The following UTRN variants were observed in gnomAD, a reference collection of about 807,000 sequenced individuals.
UTRN encodes dystrophin-related protein 1.
Under a neutral mutation model 463.9 loss-of-function variants are expected in UTRN, and 283 were observed. That is an observed-to-expected ratio of 0.61 (90% CI 0.55 to 0.67). The LOEUF (loss-of-function observed/expected upper bound fraction) is 0.67, where lower values mean the gene tolerates loss of function less well. Among genes scored for constraint, UTRN ranks in the 30% least tolerant of loss-of-function variants. The pLI is 0.00. For synonymous variants in UTRN, 1,442 were observed against 1,431.5 expected, an observed-to-expected ratio of 1.01 and a Z score of -0.17; for missense variants, 3,922 against 4,084.3, an observed-to-expected ratio of 0.96 and a Z score of 1.08.
intron 52 of UTRN, among the ~76,000 whole-genome samples, chr6:144,682,723 T>G (rs1301433046): frequency 6.6e-6 from 1 of 152,202 alleles, no homozygotes; most frequent in Non-Finnish European, 1.5e-5. Context: ...TGATCTCTTC[T>G]TTATTTTTAT....
chr6:144,524,954 G>A (rs1796436629), intron 41 of UTRN, among the ~76,000 whole-genome samples: 1 of 152,148 alleles, frequency 6.6e-6, no homozygotes, highest in South Asian at 2.1e-4. Context: ...AGGTGATCAT[G>A]TGATTTTTGT....
intron 2 of UTRN, among the ~76,000 whole-genome samples, chr6:144,367,263 G>A (rs993827047): frequency 3.3e-5 from 5 of 151,680 alleles, no homozygotes; most frequent in Non-Finnish European, 7.4e-5. Flanking sequence ...GGGATTACAG[G>A]TGTGAGCCAC....
At chr6:144,353,643 C>T (rs1275939836) in intron 2 of UTRN, among the ~76,000 whole-genome samples, 2 of 152,008 alleles carry the variant, frequency 1.3e-5, no homozygotes, top group Non-Finnish European at 2.9e-5. Flanking sequence ...AATAAGAAAA[C>T]AGTAACCAGC....
intron 34 of UTRN, 48 bp from the exon 35 acceptor site, chr6:144,510,896 T>G (rs756012043): frequency 1.4e-6 from 2 of 1,423,686 alleles, no homozygotes; most frequent in Non-Finnish European, 1.9e-6. Context: ...TATATACTTT[T>G]ATAATATTCT....
chr6:144,531,191 A>G lies in UTRN; in HGVS notation c.6046A>G (p.Ile2016Val). 6.2e-7 allele frequency: 1 copy of G among 1,613,828 alleles called. No individual in the cohort carries two copies. Among genetic ancestry groups the G allele is most frequent in the Non-Finnish European group, 8.5e-7 (1 of 1,179,816 alleles). Residue 2016 changes from isoleucine (I) to valine (V), a missense_variant, in exon 42 of 75, where the codon ATA becomes GTA. Around this residue, in one of 3 missense-constraint regions of UTRN, gnomAD observed 2,349 missense variants for 2,303.8 expected, o/e 1.02. Coordinates refer to ENST00000367545, the MANE Select transcript of UTRN (RefSeq NM_007124.3). ...CAGCCTGGACTTAGAGAAAGCCAGG[A>G]TACATCAGCAGGTGAGTGCTTTCTG... ...GGSLDLEKARIHQQELEVGIS... is the reference protein window; with the variant it reads ...GGSLDLEKARVHQQELEVGIS...
chr6:144,567,046 C>T (rs1800470736), intron 50 of UTRN, among the ~76,000 whole-genome samples: 1 of 152,076 alleles, frequency 6.6e-6, no homozygotes, highest in Admixed American at 6.6e-5. Flanking sequence ...ACTAGGGAGG[C>T]TGAGGTGGTA....
intron 56 of UTRN, among the ~76,000 whole-genome samples, chr6:144,754,109 T>A (rs1791714184): frequency 7.1e-6 from 1 of 141,612 alleles, no homozygotes; most frequent in South Asian, 2.3e-4. Flanking sequence ...TTTCTCTCTC[T>A]CACTCCCCAT....
chr6:144,814,098 C>T (rs1778868221), intron 65 of UTRN, among the ~76,000 whole-genome samples: 1 of 152,132 alleles, frequency 6.6e-6, no homozygotes, highest in Non-Finnish European at 1.5e-5. Context: ...TTATGTCCCC[C>T]AAAAATTCAT....
At position 144,543,270 on chromosome 6, in the gene UTRN, G is replaced by A. The variant is rs548668483; in HGVS notation, c.6595+400G>A. Among the ~76,000 whole-genome samples the A allele has an allele frequency of 5.3e-5, 8 of 152,334 alleles. No homozygotes were observed. The South Asian group carries it at 1.0e-3, about 20-fold the overall frequency. On this transcript the variant is annotated intron_variant, in intron 46 of 74. Coordinates refer to ENST00000367545, the MANE Select transcript of UTRN (RefSeq NM_007124.3). ...ACATATGTAATTAGACCCTGATCAT[G>A]ACTGAGAACAAAAGGCTTAGATATC... is the stretch of plus-strand genomic sequence containing the variant.
At chr6:144,619,986 A>G (rs1192014163) in intron 51 of UTRN, among the ~76,000 whole-genome samples, 1 of 152,176 alleles carries the variant, frequency 6.6e-6, no homozygotes, top group Non-Finnish European at 1.5e-5. Context: ...AAGTGTGGAT[A>G]TTTCTGGAGC....
chr6:144,365,860 C>T (rs567385357), intron 2 of UTRN, among the ~76,000 whole-genome samples: 34 of 152,320 alleles, frequency 2.2e-4, no homozygotes, highest in African/African-American at 6.7e-4. Context: ...GCTTCGGCCT[C>T]CTGCATAGCT....
chr6:144,442,957 A>G (rs779594989), intron 13 of UTRN, among the ~76,000 whole-genome samples: 7 of 152,196 alleles, frequency 4.6e-5, no homozygotes, highest in Non-Finnish European at 1.0e-4. Flanking sequence ...GCAATGTAAG[A>G]AAAATCATGT....
intron 14 of UTRN, among the ~76,000 whole-genome samples, chr6:144,445,128 A>G (rs1468528889): frequency 6.6e-6 from 1 of 152,162 alleles, no homozygotes; most frequent in Non-Finnish European, 1.5e-5. Context: ...AGGCAGGTGG[A>G]TCACTTGAAG....
At position 144,748,425 on chromosome 6, in the gene UTRN, A is replaced by G. The variant is rs138126778; in HGVS notation, c.8119A>G (p.Met2707Val). 4.0e-5 allele frequency: 65 copies of G among 1,613,998 alleles called. No homozygotes were observed. The African/African-American group carries it at 6.4e-4, about 16-fold the overall frequency. The change falls in exon 55 of 75, where the codon ATG becomes GTG. Residue 2707 changes from methionine to valine, a missense_variant. Met to Val is a conservative substitution (Grantham distance 21). Transcript: ENST00000367545. Reference protein sequence around the residue: ...QGAMDDLDADMKEAESVRNGW... With the variant: ...QGAMDDLDADVKEAESVRNGW... ...AGCTATGGATGACCTGGACGCTGAC[A>G]TGAAGGAGGCAGAGTCCGTGCGGAA... is the stretch of plus-strand genomic sequence containing the variant.
intron 69 of UTRN, among the ~76,000 whole-genome samples, chr6:144,831,455 A>T (rs1780665347): frequency 6.6e-6 from 1 of 152,144 alleles, no homozygotes; most frequent in African/African-American, 2.4e-5. Context: ...AAGGTGCTAG[A>T]TGATGCAAGG....
chr6:144,435,839 G>A (rs1316125195), intron 9 of UTRN, 96 bp from the exon 10 acceptor site: 2 of 1,332,586 alleles, frequency 1.5e-6, no homozygotes, highest in Non-Finnish European at 2.1e-6. Flanking sequence ...CTAAGACAGA[G>A]TGGTGGGTAC....
chr6:144,301,536 C>CTTTTTT (rs200484231), intron 2 of UTRN, among the ~76,000 whole-genome samples: 24 of 92,758 alleles, frequency 2.6e-4, no homozygotes, highest in Admixed American at 6.3e-4. Flanking sequence ...TTCTTTCTTT[C>CTTTTTT]TTTTTTTTTT....
rs777815391 is a variant in UTRN at position 144,523,191 on chromosome 6, A to G, written c.5906+3A>G. 9.8e-6 allele frequency: 15 copies of G among 1,526,066 alleles called. No individual in the cohort carries two copies. In the African/African-American group the frequency reaches 1.4e-4, roughly 14 times the overall value. 94.5% of individuals were successfully genotyped at this position (1,526,066 alleles called of 1,614,324 possible). ...AGAATGTACAGTGATCGGAAAGGGTATGTGTAAATGAAATTAATATTTAAT... is the reference window on the plus strand; with the variant it reads ...AGAATGTACAGTGATCGGAAAGGGTGTGTGTAAATGAAATTAATATTTAAT... On this transcript the variant is annotated splice_donor_region_variant and intron_variant, in intron 41 of 74. Transcript: ENST00000367545.
chr6:144,458,801 T>C lies in UTRN; in HGVS notation c.2316T>C (p.Val772=), dbSNP rs1400488926. 1.9e-6 allele frequency: 3 copies of C among 1,603,964 alleles called. No individual in the cohort carries two copies. Among genetic ancestry groups the C allele is most frequent in the Admixed American group, 1.7e-5 (1 of 57,204 alleles). The part of the protein sequence containing the change: ...EGLPTEEIKN[V]LEKVSSEWKN... ...TTCCTACTGAAGAAATAAAAAATGTTCTGGAGAAGGTTTCATCAGAATGGA... is the reference window on the plus strand; with the variant it reads ...TTCCTACTGAAGAAATAAAAAATGTCCTGGAGAAGGTTTCATCAGAATGGA... Residue 772 remains valine, a synonymous_variant, in exon 20 of 75, where the codon GTT becomes GTC. Coordinates refer to ENST00000367545, the MANE Select transcript of UTRN (RefSeq NM_007124.3).
Sources: gnomAD v4.1 joint callset for allele counts (sites outside exome capture counted in the v4.1 genomes callset) on GRCh38, gnomAD v4.1.1 for gene constraint, gnomAD v4.1.1 regional missense constraint, MANE v1.5 for transcripts, NCBI Gene and HGNC (gene_info 2026-07-23, HGNC 2026-07-21) for gene names.